KCNT2: variants seen among roughly 807,000 people sequenced by gnomAD.
The protein encoded by KCNT2 is potassium channel subfamily T member 2.
A neutral mutation model predicts 153.8 loss-of-function variants in KCNT2; 67 were observed. The ratio of observed to expected loss-of-function variants is 0.44; its 90% CI spans 0.36 to 0.53. KCNT2 has a LOEUF of 0.53. Ranked by LOEUF, KCNT2 falls within the 20% of genes least tolerant of loss-of-function variation. KCNT2 has a pLI of 0.00. For missense variants in KCNT2, 975 were observed against 1,354.8 expected, an observed-to-expected ratio of 0.72 and a Z score of 4.40; for synonymous variants, 500 against 458.8, an observed-to-expected ratio of 1.09 and a Z score of -1.15.
At chr1:196,571,042 C>T (rs1434353199) in intron 1 of KCNT2, among the ~76,000 whole-genome samples, 1 of 152,094 alleles carries the variant, frequency 6.6e-6, no homozygotes, top group Admixed American at 6.5e-5. Context: ...TTCCCCTCCC[C>T]ACTAAGAAGT....
intron 1 of KCNT2, among the ~76,000 whole-genome samples, chr1:196,552,889 T>C (rs1658116779): frequency 6.6e-6 from 1 of 151,252 alleles, no homozygotes; most frequent in African/African-American, 2.4e-5. Flanking sequence ...GCAACCCTCT[T>C]GGTCACCTCA....
At chr1:196,450,462 C>A (rs1273385824) in intron 8 of KCNT2, among the ~76,000 whole-genome samples, 1 of 151,846 alleles carries the variant, frequency 6.6e-6, no homozygotes, top group Non-Finnish European at 1.5e-5. Flanking sequence ...ATATAATGAA[C>A]TCCTTATTTC....
At chr1:196,328,326 C>G (rs1306098223) in intron 18 of KCNT2, among the ~76,000 whole-genome samples, 1 of 151,012 alleles carries the variant, frequency 6.6e-6, no homozygotes, top group Non-Finnish European at 1.5e-5. Flanking sequence ...AAATGAAAGG[C>G]AGAGAAGAAA....
chr1:196,240,326 G>A (rs1382636655), intron 26 of KCNT2, among the ~76,000 whole-genome samples: 2 of 151,912 alleles, frequency 1.3e-5, no homozygotes, highest in Non-Finnish European at 2.9e-5. Context: ...AATGAGGATA[G>A]CAACAGTGCA....
intron 26 of KCNT2, among the ~76,000 whole-genome samples, chr1:196,243,647 C>A (rs1183858778): frequency 6.6e-6 from 1 of 152,042 alleles, no homozygotes; most frequent in Non-Finnish European, 1.5e-5. Flanking sequence ...AACACTTAGA[C>A]AAGTTCTAGC....
intron 8 of KCNT2, among the ~76,000 whole-genome samples, chr1:196,457,642 C>T (rs1261763436): frequency 1.3e-5 from 2 of 151,832 alleles, no homozygotes; most frequent in African/African-American, 4.8e-5. Context: ...TAAGAACAAC[C>T]TAGATAGCAC....
chr1:196,578,841 G>C (rs1405196606), intron 1 of KCNT2, among the ~76,000 whole-genome samples: 1 of 152,024 alleles, frequency 6.6e-6, no homozygotes, highest in African/African-American at 2.4e-5. Flanking sequence ...TTATTTTTTT[G>C]TATTAGAGTG....
chr1:196,396,482 G>A (rs957940994), intron 13 of KCNT2, among the ~76,000 whole-genome samples: 4 of 151,512 alleles, frequency 2.6e-5, no homozygotes, highest in Non-Finnish European at 5.9e-5. Flanking sequence ...GTGACAGCTT[G>A]ATGCACTGCC....
intron 8 of KCNT2, among the ~76,000 whole-genome samples, chr1:196,458,186 G>A (rs1449803831): frequency 6.6e-6 from 1 of 151,064 alleles, no homozygotes; most frequent in South Asian, 2.1e-4. Context: ...TAATTAAAAA[G>A]CAATATTAAA....
intron 25 of KCNT2, among the ~76,000 whole-genome samples, chr1:196,271,598 T>C (rs1165167060): frequency 6.6e-6 from 1 of 151,784 alleles, no homozygotes; most frequent in Non-Finnish European, 1.5e-5. Context: ...ATGAATGAGA[T>C]TAAGAATCAG....
At chr1:196,548,931 C>T (rs1657507758) in intron 1 of KCNT2, among the ~76,000 whole-genome samples, 1 of 151,046 alleles carries the variant, frequency 6.6e-6, no homozygotes. Flanking sequence ...CGCATAGTCT[C>T]ACTCATAGGT....
intron 1 of KCNT2, among the ~76,000 whole-genome samples, chr1:196,531,063 T>C (rs1373929417): frequency 1.3e-5 from 2 of 152,138 alleles, no homozygotes; most frequent in Non-Finnish European, 2.9e-5. Flanking sequence ...AACTTATCAC[T>C]GCCCGGAGAT....
At chr1:196,456,590 C>A (rs1337011986) in intron 8 of KCNT2, among the ~76,000 whole-genome samples, 1 of 151,656 alleles carries the variant, frequency 6.6e-6, no homozygotes, top group Non-Finnish European at 1.5e-5. Context: ...TTATTTATGC[C>A]CCATTGGGTC....
Position 196,480,772 on chromosome 1 carries a change from CG to C in KCNT2, c.325-1535del, listed in dbSNP as rs539043374. On this transcript the variant is annotated intron_variant, in intron 4 of 27. Transcript: ENST00000294725. ...TCCGGAGGCTGAGGCAGGAGAATGG[CG>C]TGAACCCAGGAGGCGGAGCTTGCAG... Among the ~76,000 whole-genome samples, 456 of 136,162 alleles carry C rather than the reference CG, an allele frequency of 3.3e-3. 1 individual carries two copies. Among genetic ancestry groups the C allele is most frequent in the African/African-American group, 0.011 (416 of 36,568 alleles). 89.3% of individuals were successfully genotyped at this position (136,162 alleles called of 152,430 possible).
At chr1:196,412,078 G>T (rs903907314) in intron 12 of KCNT2, among the ~76,000 whole-genome samples, 7 of 151,680 alleles carry the variant, frequency 4.6e-5, no homozygotes, top group Admixed American at 2.0e-4. Flanking sequence ...GTGCTGATGT[G>T]TTCTATAAAT....
intron 23 of KCNT2, among the ~76,000 whole-genome samples, chr1:196,284,248 A>AAAAAAAAAAAT: frequency 5.0e-4 from 5 of 10,050 alleles, no homozygotes; most frequent in African/African-American, 6.9e-4. Flanking sequence ...AAAAAAAAAA[A>AAAAAAAAAAAT]ATATATATAT....
chr1:196,432,822 A>T (rs1298313750), intron 8 of KCNT2, among the ~76,000 whole-genome samples: 1 of 152,036 alleles, frequency 6.6e-6, no homozygotes, highest in Non-Finnish European at 1.5e-5. Context: ...TTGGTGTTGG[A>T]ACAACTTAAG....
intron 1 of KCNT2, among the ~76,000 whole-genome samples, chr1:196,579,895 A>C (rs1457217530): frequency 6.6e-6 from 1 of 152,190 alleles, no homozygotes; most frequent in Admixed American, 6.5e-5. Flanking sequence ...ATTGGCTGGA[A>C]GCAAGTCTCA....
chr1:196,537,849 G>A (rs1012295070), intron 1 of KCNT2, among the ~76,000 whole-genome samples: 2 of 152,180 alleles, frequency 1.3e-5, no homozygotes, highest in African/African-American at 2.4e-5. Context: ...TCTCGTGGGG[G>A]CGGGGGAGCC....
Sources: gnomAD v4.1 joint callset for allele counts (sites outside exome capture counted in the v4.1 genomes callset) on GRCh38, gnomAD v4.1.1 for gene constraint, MANE v1.5 for transcripts, NCBI Gene and HGNC (gene_info 2026-07-23, HGNC 2026-07-21) for gene names.